STPG2: variants seen among roughly 807,000 people sequenced by gnomAD.
The protein encoded by STPG2 is sperm tail PG-rich repeat containing 2.
Under a neutral mutation model 54.2 loss-of-function variants are expected in STPG2, and 56 were observed. The ratio of observed to expected loss-of-function variants is 1.03; its 90% CI spans 0.83 to 1.29. The LOEUF is 1.29. STPG2 is among the 50% of genes most tolerant of loss of function. STPG2 has a pLI of 0.00. For synonymous variants in STPG2, 200 were observed against 181.8 expected (o/e 1.10, Z -0.81); for missense variants, 596 against 544.9 (o/e 1.09, Z -0.93).
chr4:98,045,802 C>T (rs2082732491), intron 5 of STPG2, among the ~76,000 whole-genome samples: 1 of 152,150 alleles, frequency 6.6e-6, no homozygotes, highest in Non-Finnish European at 1.5e-5. Context: ...TCAAAATTCT[C>T]TAGCATTTGA....
intron 9 of STPG2, among the ~76,000 whole-genome samples, chr4:97,797,933 G>C (rs1170444469): frequency 6.6e-6 from 1 of 152,176 alleles, no homozygotes; most frequent in Non-Finnish European, 1.5e-5. Context: ...TATGTGTCCA[G>C]GAACTTATCC....
At chr4:97,681,366 T>C (rs549589541) in intron 10 of STPG2, among the ~76,000 whole-genome samples, 1 of 151,926 alleles carries the variant, frequency 6.6e-6, no homozygotes, top group South Asian at 2.1e-4. Flanking sequence ...TACAAAACAA[T>C]AGCATTTATG....
At chr4:98,042,220 G>GTT (rs35502692) in intron 5 of STPG2, among the ~76,000 whole-genome samples, 43 of 150,942 alleles carry the variant, frequency 2.8e-4, no homozygotes, top group South Asian at 4.2e-4. Context: ...GATTTTCTCT[G>GTT]TTTTTTTTGG....
chr4:97,814,482 C>T (rs981470101), intron 9 of STPG2, among the ~76,000 whole-genome samples: 1 of 152,116 alleles, frequency 6.6e-6, no homozygotes, highest in African/African-American at 2.4e-5. Context: ...GTACATGCCA[C>T]CACACCTGGG....
chr4:97,458,665 G>A (rs967972074), intron 4 of STPG2, among the ~76,000 whole-genome samples: 2 of 152,072 alleles, frequency 1.3e-5, no homozygotes, highest in African/African-American at 4.8e-5. Context: ...CAATGGAAAT[G>A]TTTAAAAAAA....
At chr4:97,892,242 A>C (rs1056326801) in intron 8 of STPG2, among the ~76,000 whole-genome samples, 1 of 152,134 alleles carries the variant, frequency 6.6e-6, no homozygotes, top group Non-Finnish European at 1.5e-5. Flanking sequence ...CAATAAGTCC[A>C]TTTTTAAGAA....
At chr4:97,580,190 C>T (rs1732827765) in intron 10 of STPG2, among the ~76,000 whole-genome samples, 1 of 151,922 alleles carries the variant, frequency 6.6e-6, no homozygotes, top group Non-Finnish European at 1.5e-5. Flanking sequence ...AAAATGAAGA[C>T]ACTCATTGTC....
chr4:97,668,036 A>G (rs1486423358), intron 10 of STPG2, among the ~76,000 whole-genome samples: 3 of 152,218 alleles, frequency 2.0e-5, no homozygotes, highest in Non-Finnish European at 2.9e-5. Flanking sequence ...ACATGACTAT[A>G]TCTCAAAAAT....
At chr4:97,862,189 A>C (rs1729575290) in intron 8 of STPG2, among the ~76,000 whole-genome samples, 1 of 151,760 alleles carries the variant, frequency 6.6e-6, no homozygotes, top group African/African-American at 2.4e-5. Context: ...TCTCACCTTT[A>C]TTTTGAGCCT....
rs80235134 is a variant in STPG2 at position 97,697,398 on chromosome 4, T to G, written c.1320+15301A>C. ...CTGACCTTAATGCCAGGAACTGGAGTGCTTGAAGGAGCTGCAGATGGCTTA... is the reference window on the plus strand; with the variant it reads ...CTGACCTTAATGCCAGGAACTGGAGGGCTTGAAGGAGCTGCAGATGGCTTA... On this transcript the variant is annotated intron_variant, in intron 10 of 10. Transcript: ENST00000295268. Among the ~76,000 whole-genome samples the G allele has an allele frequency of 6.1e-3, 925 of 152,110 alleles. 28 individuals are homozygous for G. In the East Asian group the frequency reaches 0.096, roughly 16 times the overall value.
intron 5 of STPG2, among the ~76,000 whole-genome samples, chr4:98,090,240 G>A (rs1738645594): frequency 6.6e-6 from 1 of 151,954 alleles, no homozygotes; most frequent in Admixed American, 6.6e-5. Context: ...GGTGAGAGAT[G>A]GAGATCCAAT....
At chr4:98,142,965 C>T (rs1441208192) in intron 1 of STPG2, 77 bp downstream of exon 1, 19 of 1,281,674 alleles carry the variant, frequency 1.5e-5, no homozygotes, top group Admixed American at 3.9e-5. Flanking sequence ...CTATGTTTAA[C>T]TCACAAGCAC....
intron 4 of STPG2, among the ~76,000 whole-genome samples, chr4:97,501,409 A>C (rs1047085929): frequency 6.6e-6 from 1 of 152,088 alleles, no homozygotes; most frequent in African/African-American, 2.4e-5. Context: ...GAAGAGAAAA[A>C]AAATAAAGCA....
At chr4:97,456,912 T>TAAAAAAAAA (rs1166086887) in intron 4 of STPG2, among the ~76,000 whole-genome samples, 3 of 97,226 alleles carry the variant, frequency 3.1e-5, no homozygotes, top group African/African-American at 2.1e-4. Flanking sequence ...AAAAGAAAAT[T>TAAAAAAAAA]AAAAAAAAAA....
At chr4:97,564,906 T>C (rs967479579) in intron 10 of STPG2, among the ~76,000 whole-genome samples, 22 of 152,196 alleles carry the variant, frequency 1.4e-4, no homozygotes, top group Non-Finnish European at 2.4e-4. Context: ...CTGATAATTA[T>C]GTGTCTTGGA....
At chr4:98,033,223 G>T (rs561492626) in intron 5 of STPG2, among the ~76,000 whole-genome samples, 3 of 151,574 alleles carry the variant, frequency 2.0e-5, no homozygotes, top group African/African-American at 7.3e-5. Flanking sequence ...TAATAAAAAA[G>T]AAAAGAGAGA....
chr4:97,461,597 C>G (rs778127419), intron 4 of STPG2, among the ~76,000 whole-genome samples: 1 of 152,048 alleles, frequency 6.6e-6, no homozygotes, highest in Non-Finnish European at 1.5e-5. Context: ...TAGCAAACTG[C>G]GAGAAAAAGA....
chr4:97,726,060 A>G (rs1178127495), intron 9 of STPG2, among the ~76,000 whole-genome samples: 1 of 151,946 alleles, frequency 6.6e-6, no homozygotes, highest in East Asian at 1.9e-4. Context: ...CACCACCTCT[A>G]TAAAATGAAA....
chr4:97,668,854 A>G (rs1018383421), intron 10 of STPG2, among the ~76,000 whole-genome samples: 14 of 152,130 alleles, frequency 9.2e-5, no homozygotes, highest in Admixed American at 8.5e-4. Context: ...TCCAATCCTC[A>G]TAAGAAAAAT....
Sources: allele counts gnomAD v4.1 joint callset (sites outside exome capture counted in the v4.1 genomes callset), GRCh38; gene constraint gnomAD v4.1.1; transcripts MANE v1.5; gene names NCBI Gene and HGNC (gene_info 2026-07-23, HGNC 2026-07-21).